Variants in RPS6KA3 observed in about 807,000 individuals in gnomAD.
The protein encoded by RPS6KA3 is ribosomal protein S6 kinase alpha-3.
In RPS6KA3, 4 loss-of-function variants were observed where a neutral mutation model predicts 67.2. The ratio of observed to expected loss-of-function variants is 0.06; its 90% CI spans 0.03 to 0.14. The LOEUF is 0.14. Among genes scored for constraint, RPS6KA3 ranks in the 10% least tolerant of loss-of-function variants. RPS6KA3 has a pLI of 1.00. For synonymous variants in RPS6KA3, 182 were observed against 183.7 expected, an observed-to-expected ratio of 0.99 and a Z score of 0.07; for missense variants, 204 against 559.0, an observed-to-expected ratio of 0.36 and a Z score of 6.40.
chrX:20,233,667 C>T (rs2069332234), intron 2 of RPS6KA3, among the ~76,000 whole-genome samples: 1 of 110,293 alleles, frequency 9.1e-6, no homozygotes, highest in Non-Finnish European at 1.9e-5. Flanking sequence ...GGGAGGGTTG[C>T]TTGAGCCCAG....
At chrX:20,204,135 A>T in intron 3 of RPS6KA3, 32 bp from the exon 4 acceptor site, 2 of 931,664 alleles carry the variant, frequency 2.1e-6, no homozygotes, top group Non-Finnish European at 3.1e-6. Context: ...TAAATATTAC[A>T]AAGTAGTATA....
rs1217878110 is a variant in RPS6KA3, at chrX:20,152,665, G to A, written c.*2733C>T. The stretch of plus-strand genomic sequence containing the variant: ...ACAAGCACTATATTTAGAGCACATC[G>A]TTGGCCAAGTTTTTCCACTGTATGT... On this transcript the variant is annotated 3_prime_UTR_variant, in exon 22 of 22. Transcript: ENST00000379565. 2 of 112,179 alleles carry A rather than the reference G, an allele frequency of 1.8e-5. No individual in the cohort carries two copies. Among genetic ancestry groups the A allele is most frequent in the Non-Finnish European group, 3.8e-5 (2 of 53,235 alleles). The allele number at this position is 112,179 out of a possible 1,213,427, so 9.2% of individuals were successfully genotyped here.
At position 20,177,090 on chromosome X, in the gene RPS6KA3, T is replaced by C. The variant is rs375177835; in HGVS notation, c.846-6A>G. 51 of 1,146,908 alleles carry C rather than the reference T, an allele frequency of 4.4e-5. No homozygotes were observed. Among genetic ancestry groups the C allele is most frequent in the Non-Finnish European group, 5.6e-5 (47 of 837,908 alleles). The allele number at this position is 1,146,908 out of a possible 1,213,427, so 94.5% of individuals were successfully genotyped here. ...GTGGCATTCCAAGTTTGGCTCTAAA[T>C]AATAAATCCACATAATATTTTATTT... On this transcript the variant is annotated splice_polypyrimidine_tract_variant and splice_region_variant and intron_variant, in intron 10 of 21. Coordinates refer to ENST00000379565, the MANE Select transcript of RPS6KA3 (RefSeq NM_004586.3).
intron 1 of RPS6KA3, among the ~76,000 whole-genome samples, chrX:20,240,012 A>G (rs2069509121): frequency 9.0e-6 from 1 of 111,124 alleles, no homozygotes; most frequent in African/African-American, 3.3e-5. Context: ...TAGTTAAAAA[A>G]TACTTTGATT....
chrX:20,192,592 CTTTTTTTTTTT>C (rs1159974637), intron 7 of RPS6KA3, among the ~76,000 whole-genome samples: 4 of 45,391 alleles, frequency 8.8e-5, no homozygotes, highest in African/African-American at 1.2e-4. Context: ...TGTAAATTTT[CTTTTTTTTTTT>C]TTTTTTTTTT....
chrX:20,193,151 G>T (rs758957033), intron 7 of RPS6KA3, among the ~76,000 whole-genome samples: 2 of 110,955 alleles, frequency 1.8e-5, no homozygotes, highest in Non-Finnish European at 3.8e-5. Flanking sequence ...GTTGGCAGGC[G>T]CCCGTAATCC....
intron 15 of RPS6KA3, among the ~76,000 whole-genome samples, chrX:20,169,866 T>C (rs1416024272): frequency 2.7e-5 from 3 of 111,496 alleles, no homozygotes; most frequent in Non-Finnish European, 5.6e-5. Context: ...AGTCAACTTC[T>C]AACCCCCCAT....
intron 14 of RPS6KA3, among the ~76,000 whole-genome samples, chrX:20,174,091 G>A (rs757482293): frequency 1.8e-5 from 2 of 111,422 alleles, no homozygotes; most frequent in Non-Finnish European, 3.8e-5. Context: ...GTTGTTTTGT[G>A]CTACATAGCA....
intron 17 of RPS6KA3, 32 bp downstream of exon 17, chrX:20,167,557 G>T: frequency 4.3e-6 from 5 of 1,168,443 alleles, no homozygotes; most frequent in Non-Finnish European, 5.8e-6. Flanking sequence ...AAAAGTGTGT[G>T]TATGTACATA....
intron 2 of RPS6KA3, among the ~76,000 whole-genome samples, chrX:20,224,729 T>G (rs185713747): frequency 9.0e-6 from 1 of 111,540 alleles, no homozygotes; most frequent in African/African-American, 3.3e-5. Context: ...TGGTAGTGTC[T>G]TCCTAGAGCA....
At chrX:20,252,765 T>C (rs1344650271) in intron 1 of RPS6KA3, among the ~76,000 whole-genome samples, 1 of 109,641 alleles carries the variant, frequency 9.1e-6, no homozygotes, top group Non-Finnish European at 1.9e-5. Context: ...CAGGGGAGGG[T>C]AGAGAAGGAA....
chrX:20,191,075 G>A (rs1250774287), intron 7 of RPS6KA3, among the ~76,000 whole-genome samples: 2 of 110,464 alleles, frequency 1.8e-5, no homozygotes, highest in African/African-American at 6.6e-5. Context: ...CTGTGTCCAT[G>A]TGTTCTCATT....
intron 1 of RPS6KA3, among the ~76,000 whole-genome samples, chrX:20,251,515 A>T (rs944723838): frequency 4.4e-5 from 5 of 113,017 alleles, no homozygotes; most frequent in African/African-American, 1.6e-4. Flanking sequence ...ACGTCCATAG[A>T]TTCTGATGGA....
intron 15 of RPS6KA3, among the ~76,000 whole-genome samples, chrX:20,170,969 G>A (rs1327036888): frequency 9.0e-6 from 1 of 110,584 alleles, no homozygotes; most frequent in African/African-American, 3.3e-5. Flanking sequence ...TGTAGAGATA[G>A]GGTCTTGCTC....
At chrX:20,227,588 C>T (rs2069154101) in intron 2 of RPS6KA3, among the ~76,000 whole-genome samples, 1 of 110,921 alleles carries the variant, frequency 9.0e-6, no homozygotes, top group Non-Finnish European at 1.9e-5. Flanking sequence ...AGAGATGAGC[C>T]TTCTTGAGAG....
rs185733711 is a variant in RPS6KA3, at chrX:20,163,948, C to T, written c.1765-908G>A. 1.0e-3 allele frequency among the ~76,000 whole-genome samples: 113 copies of T among 111,405 alleles called. 1 individual carries two copies. Among genetic ancestry groups the T allele is most frequent in the African/African-American group, 3.3e-3 (100 of 30,690 alleles). On this transcript the variant is annotated intron_variant, in intron 18 of 21. Transcript: ENST00000379565. ...CCTCCCAAAGTGCTAGGATTACAGGCGTGAACCATGGCATCTGGCCAAGAT... is the reference window on the plus strand; with the variant it reads ...CCTCCCAAAGTGCTAGGATTACAGGTGTGAACCATGGCATCTGGCCAAGAT...
chrX:20,223,672 C>A (rs2069039722), intron 2 of RPS6KA3, among the ~76,000 whole-genome samples: 1 of 111,983 alleles, frequency 8.9e-6, no homozygotes, highest in African/African-American at 3.2e-5. Flanking sequence ...CAACTCACAG[C>A]CAATCTTGTT....
chrX:20,206,844 T>C (rs1241944706), intron 3 of RPS6KA3, among the ~76,000 whole-genome samples: 1 of 111,216 alleles, frequency 9.0e-6, no homozygotes, highest in Non-Finnish European at 1.9e-5. Context: ...GAATAAAATA[T>C]GGAAAGGCTT....
intron 20 of RPS6KA3, among the ~76,000 whole-genome samples, chrX:20,160,390 T>C (rs776780224): frequency 3.0e-4 from 34 of 112,343 alleles, no homozygotes; most frequent in Non-Finnish European, 5.4e-4. Context: ...AAGACATTGT[T>C]AGAAAAAGGT....
Sources: allele counts gnomAD v4.1 joint callset (sites outside exome capture counted in the v4.1 genomes callset), GRCh38; gene constraint gnomAD v4.1.1; transcripts MANE v1.5; gene names NCBI Gene and HGNC (gene_info 2026-07-23, HGNC 2026-07-21).